MYRIP: variants seen among roughly 807,000 people sequenced by gnomAD.
The protein encoded by MYRIP is rab effector MyRIP.
Under a neutral mutation model 98.0 loss-of-function variants are expected in MYRIP, and 49 were observed. That is an observed-to-expected ratio of 0.50 (90% CI 0.40 to 0.63). The LOEUF (loss-of-function observed/expected upper bound fraction) is 0.63, where lower values mean the gene tolerates loss of function less well. Among genes scored for constraint, MYRIP ranks in the 30% least tolerant of loss-of-function variants. The pLI, the probability that MYRIP is intolerant of heterozygous loss-of-function variation, is 0.00. For missense variants in MYRIP, 1,004 were observed against 1,058.2 expected, an observed-to-expected ratio of 0.95 and a Z score of 0.71; for synonymous variants, 404 against 409.5, an observed-to-expected ratio of 0.99 and a Z score of 0.16.
At chr3:40,133,647 G>T (rs1012423298) in intron 3 of MYRIP, among the ~76,000 whole-genome samples, 3 of 152,212 alleles carry the variant, frequency 2.0e-5, no homozygotes, top group African/African-American at 7.2e-5. Context: ...TGAGGCAGGA[G>T]AATCGCTTGA....
intron 11 of MYRIP, among the ~76,000 whole-genome samples, chr3:40,225,805 A>G (rs1010998161): frequency 6.6e-6 from 1 of 152,204 alleles, no homozygotes. Context: ...AACAACATTC[A>G]GCACGGGGAG....
At chr3:40,084,747 T>G (rs1471772490) in intron 3 of MYRIP, among the ~76,000 whole-genome samples, 2 of 139,570 alleles carry the variant, frequency 1.4e-5, no homozygotes, top group African/African-American at 5.3e-5. Context: ...ATAATATGTA[T>G]CTATGTGTTA....
intron 3 of MYRIP, among the ~76,000 whole-genome samples, chr3:40,133,245 C>T (rs377197103): frequency 8.5e-5 from 13 of 152,344 alleles, no homozygotes; most frequent in African/African-American, 2.4e-4. Flanking sequence ...ATTAAGAACC[C>T]TCCTGTGAAG....
chr3:40,032,403 C>A (rs1322277046), intron 2 of MYRIP, among the ~76,000 whole-genome samples: 4 of 151,916 alleles, frequency 2.6e-5, no homozygotes, highest in Non-Finnish European at 5.9e-5. Context: ...GTTTGTTATA[C>A]TTTCTGTTCT....
intron 2 of MYRIP, among the ~76,000 whole-genome samples, chr3:40,009,267 C>T (rs1177115421): frequency 6.7e-6 from 1 of 148,272 alleles, no homozygotes; most frequent in Non-Finnish European, 1.5e-5. Flanking sequence ...GACGGAGTCT[C>T]ACTCTGTCAC....
At chr3:39,817,297 A>G (rs9850884) in intron 1 of MYRIP, among the ~76,000 whole-genome samples, 95,947 of 151,984 alleles carry the variant, frequency 0.63, 30,573 homozygotes, top group African/African-American at 0.69. Flanking sequence ...TGACAAAATA[A>G]GGAGAGGTCC....
chr3:40,170,501 CA>C (rs141607465), intron 8 of MYRIP, among the ~76,000 whole-genome samples: 48 of 152,290 alleles, frequency 3.2e-4, no homozygotes, highest in African/African-American at 1.1e-3. Context: ...ACTGCTGTTT[CA>C]ACCACCAAAA....
chr3:39,882,321 G>A (rs909629080), intron 1 of MYRIP, among the ~76,000 whole-genome samples: 2 of 151,990 alleles, frequency 1.3e-5, no homozygotes, highest in Non-Finnish European at 2.9e-5. Context: ...CTTCCCTTTT[G>A]CATCTCATCA....
At chr3:40,039,101 C>A (rs1559375715) in intron 2 of MYRIP, among the ~76,000 whole-genome samples, 1 of 152,070 alleles carries the variant, frequency 6.6e-6, no homozygotes, top group Admixed American at 6.6e-5. Flanking sequence ...CTTCCATTAC[C>A]TTCCACTACC....
chr3:39,814,018 TGATA>T (rs1489890927), intron 1 of MYRIP, among the ~76,000 whole-genome samples: 1 of 152,216 alleles, frequency 6.6e-6, no homozygotes, highest in Non-Finnish European at 1.5e-5. Context: ...GTTTATATAT[TGATA>T]GATAAAAGAT....
rs76428004 is a variant in MYRIP at position 40,100,017 on chromosome 3, G to A, written c.333-51031G>A. 6,316 of 985,192 alleles carry A rather than the reference G, an allele frequency of 6.4e-3. 262 individuals are homozygous for A. The African/African-American group carries it at 0.093, about 14-fold the overall frequency. The allele number at this position is 985,192 out of a possible 1,614,324, so 61.0% of individuals were successfully genotyped here. On this transcript the variant is annotated intron_variant, in intron 3 of 16. Coordinates refer to ENST00000302541, the MANE Select transcript of MYRIP (RefSeq NM_015460.4). ...CCCTTCTGAAACTGGTAATAGAAAC[G>A]AGCAGTAGCACTGTGCTGTTCCTTC...
chr3:39,975,253 A>G (rs1344406135), intron 2 of MYRIP, among the ~76,000 whole-genome samples: 1 of 152,130 alleles, frequency 6.6e-6, no homozygotes, highest in African/African-American at 2.4e-5. Context: ...TACACCAATA[A>G]CAGACAAACA....
intron 1 of MYRIP, among the ~76,000 whole-genome samples, chr3:39,814,707 ATCT>A (rs1263075745): frequency 2.0e-5 from 3 of 152,194 alleles, no homozygotes; most frequent in Admixed American, 6.5e-5. Flanking sequence ...TTTATAATAA[ATCT>A]TCTCTTCTTA....
At chr3:40,047,013 G>A (rs1947683561) in intron 3 of MYRIP, among the ~76,000 whole-genome samples, 1 of 152,150 alleles carries the variant, frequency 6.6e-6, no homozygotes, top group Non-Finnish European at 1.5e-5. Flanking sequence ...ACAATTAAAT[G>A]ACACATTGCA....
At chr3:40,175,185 A>G (rs1175416011) in intron 8 of MYRIP, among the ~76,000 whole-genome samples, 2 of 152,196 alleles carry the variant, frequency 1.3e-5, no homozygotes, top group African/African-American at 4.8e-5. Flanking sequence ...GAGAGCTTCC[A>G]CTGTCCCAAA....
In MYRIP at chr3:40,251,974, G is replaced by A; in HGVS notation, c.2522G>A (p.Arg841Lys). 6.2e-7 allele frequency: 1 copy of A among 1,611,722 alleles called. No individual in the cohort carries two copies. Among genetic ancestry groups the A allele is most frequent in the Non-Finnish European group, 8.5e-7 (1 of 1,177,956 alleles). The change falls in exon 16 of 17, where the codon AGG becomes AAG. Residue 841 changes from arginine to lysine, a missense_variant. Coordinates refer to ENST00000302541, the MANE Select transcript of MYRIP (RefSeq NM_015460.4). ...TCCTCAACAAACAGGACTAAGGAAA[G>A]GAAAGGCACCACCAAGGATTTGATG... Reference protein sequence around the residue: ...QGSSTNRTKERKGTTKDLMEP... With the variant: ...QGSSTNRTKEKKGTTKDLMEP...
intron 2 of MYRIP, among the ~76,000 whole-genome samples, chr3:40,037,787 A>G (rs1292355227): frequency 6.6e-6 from 1 of 152,064 alleles, no homozygotes; most frequent in African/African-American, 2.4e-5. Flanking sequence ...GAATGTAACC[A>G]TTTACATCAT....
intron 3 of MYRIP, among the ~76,000 whole-genome samples, chr3:40,110,367 A>C (rs1949134222): frequency 6.6e-6 from 1 of 152,248 alleles, no homozygotes; most frequent in Non-Finnish European, 1.5e-5. Flanking sequence ...AGAAATGTTC[A>C]GTTTGAAGCA....
intron 2 of MYRIP, among the ~76,000 whole-genome samples, chr3:39,990,762 C>G (rs1247055660): frequency 6.6e-6 from 1 of 152,180 alleles, no homozygotes; most frequent in Admixed American, 6.5e-5. Context: ...CAGGGCTGCC[C>G]TCTAGTGGAC....
Sources: allele counts gnomAD v4.1 joint callset (sites outside exome capture counted in the v4.1 genomes callset), GRCh38; gene constraint gnomAD v4.1.1; transcripts MANE v1.5; gene names NCBI Gene and HGNC (gene_info 2026-07-23, HGNC 2026-07-21).